Variants in KLRG1 observed in about 807,000 individuals in gnomAD.
KLRG1 encodes killer cell lectin like receptor G1, also known as killer cell lectin-like receptor subfamily G member 1.
Under a neutral mutation model 21.8 loss-of-function variants are expected in KLRG1, and 16 were observed. The observed-to-expected ratio is 0.73, with a 90% CI of 0.50 to 1.11. The LOEUF is 1.11. Ranked by LOEUF, KLRG1 falls within the 50% of genes most tolerant of loss-of-function variation. The pLI is 0.00. For synonymous variants in KLRG1, 69 were observed against 75.9 expected (o/e 0.91, Z 0.47); for missense variants, 173 against 218.3 (o/e 0.79, Z 1.31).
At chr12:9,031,199 T>C in the KLRG1 span, among the ~76,000 whole-genome samples, 1 of 152,194 alleles carries the variant, frequency 6.6e-6, no homozygotes, top group Non-Finnish European at 1.5e-5. Flanking sequence ...CCCTTTGTCT[T>C]CAGAGCTGAA....
the KLRG1 span, chr12:9,109,281 A>T: frequency 6.6e-7 from 1 of 1,512,844 alleles, no homozygotes; most frequent in Non-Finnish European, 9.1e-7. Context: ...AGTCTCTTTT[A>T]AATAATCCCC....
chr12:9,071,100 G>A, the KLRG1 span, among the ~76,000 whole-genome samples: 59,249 of 151,814 alleles, frequency 0.39, 12,551 homozygotes, highest in African/African-American at 0.54. Flanking sequence ...GATTACAGGC[G>A]TGAGCCACCA....
chr12:8,955,495 A>T (rs1004724348), intron 1 of KLRG1, among the ~76,000 whole-genome samples: 1 of 131,438 alleles, frequency 7.6e-6, no homozygotes, highest in African/African-American at 2.7e-5. Context: ...GGCTCAAATG[A>T]TCCTCCCAGC....
chr12:9,012,643 T>C (rs1460852353), downstream of KLRG1, among the ~76,000 whole-genome samples: 1 of 151,748 alleles, frequency 6.6e-6, no homozygotes, highest in East Asian at 2.0e-4. Context: ...CCAAGACTAA[T>C]GGGGACTCTG....
chr12:9,117,598 G>A, the KLRG1 span, among the ~76,000 whole-genome samples: 1 of 152,180 alleles, frequency 6.6e-6, no homozygotes, highest in Admixed American at 6.5e-5. Flanking sequence ...GGTGGGAGCA[G>A]AAGGAGGACA....
intron 3 of KLRG1, 123 bp downstream of exon 3, chr12:8,995,411 G>T: frequency 2.4e-6 from 2 of 824,744 alleles, no homozygotes; most frequent in Non-Finnish European, 3.7e-6. Context: ...GATTTGGGGG[G>T]GATACTATAT....
chr12:9,202,366 A>G, the KLRG1 span: 2 of 1,614,154 alleles, frequency 1.2e-6, no homozygotes, highest in Non-Finnish European at 8.5e-7. Context: ...ACAACACGGA[A>G]TCTTACTGGA....
intron 3 of KLRG1, among the ~76,000 whole-genome samples, chr12:8,998,083 T>G (rs1195800380): frequency 6.6e-6 from 1 of 152,136 alleles, no homozygotes; most frequent in Non-Finnish European, 1.5e-5. Flanking sequence ...ATCCCAGCAC[T>G]TTTGAGAGGC....
At chr12:9,053,079 A>T in the KLRG1 span, among the ~76,000 whole-genome samples, 1 of 152,132 alleles carries the variant, frequency 6.6e-6, no homozygotes, top group Non-Finnish European at 1.5e-5. Flanking sequence ...TATTCTCCCC[A>T]TGTCTGTGTG....
the KLRG1 span, among the ~76,000 whole-genome samples, chr12:9,126,121 T>C: frequency 6.6e-6 from 1 of 152,216 alleles, no homozygotes; most frequent in Admixed American, 6.5e-5. Context: ...ACCACAATCA[T>C]ACAGGGTGAG....
chr12:9,051,902 A>G, the KLRG1 span, among the ~76,000 whole-genome samples: 1 of 152,258 alleles, frequency 6.6e-6, no homozygotes, highest in African/African-American at 2.4e-5. Context: ...ATATCAGAGT[A>G]TTAAGAGTCA....
chr12:9,012,652 T>C (rs771843630), downstream of KLRG1, among the ~76,000 whole-genome samples: 3 of 151,836 alleles, frequency 2.0e-5, no homozygotes, highest in Non-Finnish European at 4.4e-5. Context: ...ATGGGGACTC[T>C]GTCTTGCAGC....
the KLRG1 span, among the ~76,000 whole-genome samples, chr12:9,056,273 G>C: frequency 2.6e-5 from 4 of 152,104 alleles, no homozygotes; most frequent in African/African-American, 9.7e-5. Flanking sequence ...AAAAATGTCA[G>C]CTCACTGGGG....
At chr12:9,158,069 G>T in the KLRG1 span, among the ~76,000 whole-genome samples, 1 of 152,142 alleles carries the variant, frequency 6.6e-6, no homozygotes, top group East Asian at 1.9e-4. Context: ...TGCTGCCTCA[G>T]CTTGTCAAGT....
At chr12:9,128,746 A>G in the KLRG1 span, 1 of 152,298 alleles carries the variant, frequency 6.6e-6, no homozygotes, top group African/African-American at 2.4e-5. Flanking sequence ...TTACCTGCTA[A>G]TAAAATTTTA....
At chr12:9,111,388 C>CGTA in the KLRG1 span, 1 of 361,896 alleles carries the variant, frequency 2.8e-6, no homozygotes, top group Admixed American at 3.3e-5. Flanking sequence ...GGTGTGGTGC[C>CGTA]TCATTTTAGA....
the KLRG1 span, chr12:9,152,840 T>G: frequency 1.2e-6 from 2 of 1,614,136 alleles, no homozygotes; most frequent in Non-Finnish European, 1.7e-6. Context: ...GTCAGTGAGA[T>G]CTGAAAGCTG....
chr12:9,083,317 C>A, the KLRG1 span, among the ~76,000 whole-genome samples: 1 of 151,436 alleles, frequency 6.6e-6, no homozygotes, highest in South Asian at 2.1e-4. Flanking sequence ...TGCAGCACAC[C>A]AACATGGCAC....
chr12:9,204,027 A>G, the KLRG1 span: 2 of 1,356,798 alleles, frequency 1.5e-6, no homozygotes, highest in Non-Finnish European at 2.0e-6. Context: ...TGTTTTCATA[A>G]CAATATGTAT....
Sources: allele counts gnomAD v4.1 joint callset (sites outside exome capture counted in the v4.1 genomes callset), GRCh38; gene constraint gnomAD v4.1.1; transcripts MANE v1.5; gene names NCBI Gene and HGNC (gene_info 2026-07-23, HGNC 2026-07-21).